CDH2: variants seen among roughly 807,000 people sequenced by gnomAD.
CDH2 encodes the protein cadherin 2.
Under a neutral mutation model 92.0 loss-of-function variants are expected in CDH2, and 17 were observed. The ratio of observed to expected loss-of-function variants is 0.18; its 90% confidence interval spans 0.13 to 0.28. CDH2 has a LOEUF of 0.28. Among genes scored for constraint, CDH2 ranks in the 10% least tolerant of loss-of-function variants. The pLI, the probability that CDH2 is intolerant of heterozygous loss-of-function variation, is 1.00. For missense variants in CDH2, 862 were observed against 1,133.1 expected, an observed-to-expected ratio of 0.76 and a Z score of 3.44; for synonymous variants, 419 against 415.9, an observed-to-expected ratio of 1.01 and a Z score of -0.09.
At chr18:27,963,154 G>A (rs1384054680) in intron 15 of CDH2, among the ~76,000 whole-genome samples, 1 of 151,968 alleles carries the variant, frequency 6.6e-6, no homozygotes, top group Non-Finnish European at 1.5e-5. Flanking sequence ...AATCTTAATT[G>A]ATAGATCTCT....
chr18:28,065,687 C>T (rs1284461694), intron 2 of CDH2, among the ~76,000 whole-genome samples: 1 of 152,134 alleles, frequency 6.6e-6, no homozygotes, highest in Non-Finnish European at 1.5e-5. Context: ...TTACATCATC[C>T]CTTTTTTCCT....
At chr18:28,125,515 A>G (rs184354222) in intron 2 of CDH2, among the ~76,000 whole-genome samples, 1 of 152,258 alleles carries the variant, frequency 6.6e-6, no homozygotes, top group East Asian at 1.9e-4. Flanking sequence ...CCTAATCCAA[A>G]AAATGTGTTC....
chr18:27,933,691 G>A (rs1052215915), intron 6 of CDH2, among the ~76,000 whole-genome samples: 1 of 152,144 alleles, frequency 6.6e-6, no homozygotes, highest in Non-Finnish European at 1.5e-5. Context: ...AACCCGTTTC[G>A]GATGCCCGAA....
chr18:28,006,613 C>T (rs1007020474), intron 5 of CDH2, among the ~76,000 whole-genome samples: 1 of 149,958 alleles, frequency 6.7e-6, no homozygotes, highest in Admixed American at 6.7e-5. Flanking sequence ...GTAAGCCCAG[C>T]TACTTGGGAG....
At chr18:28,166,170 A>ATATATATATATATG (rs1020592723) in intron 1 of CDH2, among the ~76,000 whole-genome samples, 18 of 136,114 alleles carry the variant, frequency 1.3e-4, no homozygotes, top group African/African-American at 4.6e-4. Context: ...ATATATATAT[A>ATATATATATATATG]TATGTCTGTA....
At chr18:28,108,387 G>A (rs2015357141) in intron 2 of CDH2, among the ~76,000 whole-genome samples, 1 of 152,122 alleles carries the variant, frequency 6.6e-6, no homozygotes, top group Non-Finnish European at 1.5e-5. Context: ...TCTAGTCATT[G>A]CTGAAGGACA....
intron 2 of CDH2, among the ~76,000 whole-genome samples, chr18:28,053,003 C>A (rs768427902): frequency 6.6e-6 from 1 of 152,024 alleles, no homozygotes; most frequent in East Asian, 1.9e-4. Context: ...TATAAAAAGA[C>A]GAATTTTGGA....
At chr18:27,938,120 T>C (rs2143831181) in intron 6 of CDH2, among the ~76,000 whole-genome samples, 1 of 152,116 alleles carries the variant, frequency 6.6e-6, no homozygotes, top group Non-Finnish European at 1.5e-5. Flanking sequence ...CGCCCCCATC[T>C]CTCTCTTCCT....
rs766594147 is a variant in CDH2, at chr18:28,009,805, G to A, written c.614C>T (p.Pro205Leu). 1.2e-6 allele frequency: 2 copies of A among 1,613,860 alleles called. No homozygotes were observed. Among genetic ancestry groups the A allele is most frequent in the East Asian group, 2.2e-5 (1 of 44,870 alleles). Residue 205 changes from proline (P) to leucine (L), a missense_variant, in exon 5 of 16, where the codon CCT becomes CTT. Coordinates refer to ENST00000269141, the MANE Select transcript of CDH2 (RefSeq NM_001792.5). The part of the protein sequence containing the change: ...YSVTGPGADQ[P>L]PTGIFIINPI... Reference sequence around the variant, plus strand: ...GTTGATAATGAAGATACCAGTTGGAGGCTGGTCAGCTCCTGGCCCAGTTAC... The same window carrying A: ...GTTGATAATGAAGATACCAGTTGGAAGCTGGTCAGCTCCTGGCCCAGTTAC...
At chr18:27,946,678 C>G (rs1243884454), downstream of CDH2, among the ~76,000 whole-genome samples, 4 of 151,828 alleles carry the variant, frequency 2.6e-5, no homozygotes, top group Non-Finnish European at 5.9e-5. Flanking sequence ...CTAAGACTAA[C>G]GTTGAGCAAA....
intron 2 of CDH2, among the ~76,000 whole-genome samples, chr18:28,034,104 C>A (rs1312171756): frequency 6.6e-6 from 1 of 152,012 alleles, no homozygotes; most frequent in African/African-American, 2.4e-5. Context: ...GAGCAATGAA[C>A]TAAAAGCCAG....
At chr18:28,005,039 T>C (rs2012876048) in intron 6 of CDH2, among the ~76,000 whole-genome samples, 2 of 152,274 alleles carry the variant, frequency 1.3e-5, no homozygotes, top group East Asian at 1.9e-4. Flanking sequence ...AAAAATACAA[T>C]AGCTAATTAA....
intron 2 of CDH2, among the ~76,000 whole-genome samples, chr18:28,122,644 G>C (rs2015611019): frequency 6.6e-6 from 1 of 152,048 alleles, no homozygotes; most frequent in African/African-American, 2.4e-5. Flanking sequence ...GGAAAAACAA[G>C]TTAGCACGAA....
chr18:28,007,727 T>C (rs2847465), intron 5 of CDH2, among the ~76,000 whole-genome samples: 9 of 152,222 alleles, frequency 5.9e-5, no homozygotes, highest in African/African-American at 9.6e-5. Flanking sequence ...TTTTTGTTTT[T>C]GTTTTTTTTG....
intron 2 of CDH2, among the ~76,000 whole-genome samples, chr18:28,048,142 C>T (rs1399396568): frequency 6.6e-6 from 1 of 152,000 alleles, no homozygotes; most frequent in Non-Finnish European, 1.5e-5. Flanking sequence ...AAAACAATTC[C>T]TGTAATATAA....
intron 1 of CDH2, among the ~76,000 whole-genome samples, chr18:28,175,493 CCGCACCATGG>C (rs987492419): frequency 4.6e-5 from 7 of 152,210 alleles, no homozygotes; most frequent in African/African-American, 7.2e-5. Context: ...GACAGGCGTG[CCGCACCATGG>C]CGCACCATGG....
chr18:28,141,984 T>C (rs769728189), intron 2 of CDH2, among the ~76,000 whole-genome samples: 45 of 152,058 alleles, frequency 3.0e-4, no homozygotes, highest in South Asian at 6.2e-4. Context: ...ACCATCCTAT[T>C]TAAATGCAAA....
intron 6 of CDH2, among the ~76,000 whole-genome samples, chr18:27,934,476 G>C (rs1261656845): frequency 1.3e-5 from 2 of 152,104 alleles, no homozygotes; most frequent in African/African-American, 4.8e-5. Flanking sequence ...TTTTCTTTCA[G>C]AGAACTTTTT....
intron 2 of CDH2, among the ~76,000 whole-genome samples, chr18:28,132,217 T>C (rs901155683): frequency 6.6e-6 from 1 of 152,200 alleles, no homozygotes; most frequent in African/African-American, 2.4e-5. Context: ...CACTATCAGT[T>C]AGGATGCAAC....
Sources: allele counts gnomAD v4.1 joint callset (sites outside exome capture counted in the v4.1 genomes callset), GRCh38; gene constraint gnomAD v4.1.1; transcripts MANE v1.5; gene names NCBI Gene and HGNC (gene_info 2026-07-23, HGNC 2026-07-21).